Variants in EXOC4 observed in about 807,000 individuals in gnomAD.
The protein encoded by EXOC4 is SEC8-like 1.
In EXOC4, 71 loss-of-function variants were observed where a neutral mutation model predicts 107.2. The observed-to-expected ratio is 0.66, with a 90% confidence interval of 0.55 to 0.81. The LOEUF (loss-of-function observed/expected upper bound fraction) is 0.81. Ranked by LOEUF, EXOC4 falls within the 30% of genes least tolerant of loss-of-function variation. EXOC4 has a pLI of 0.00. For missense variants in EXOC4, 1,108 were observed against 1,189.6 expected, an observed-to-expected ratio of 0.93 and a Z score of 1.01; for synonymous variants, 456 against 441.2, an observed-to-expected ratio of 1.03 and a Z score of -0.42.
chr7:133,597,732 A>G (rs1563121541), intron 9 of EXOC4, among the ~76,000 whole-genome samples: 2 of 151,796 alleles, frequency 1.3e-5, no homozygotes, highest in African/African-American at 2.4e-5. Flanking sequence ...TCTTGCCATT[A>G]AAAGTGATGT....
intron 9 of EXOC4, among the ~76,000 whole-genome samples, chr7:133,583,551 T>C (rs1205533285): frequency 6.6e-6 from 1 of 152,156 alleles, no homozygotes; most frequent in Non-Finnish European, 1.5e-5. Flanking sequence ...GTTAGCCAGA[T>C]GTACTAGATA....
intron 10 of EXOC4, among the ~76,000 whole-genome samples, chr7:133,775,901 A>G (rs536241686): frequency 2.0e-5 from 3 of 152,204 alleles, no homozygotes; most frequent in Non-Finnish European, 4.4e-5. Context: ...TCTAGGAGAT[A>G]TAAGATTAGG....
chr7:133,773,447 T>A (rs976118073), intron 10 of EXOC4, among the ~76,000 whole-genome samples: 1 of 151,588 alleles, frequency 6.6e-6, no homozygotes, highest in Non-Finnish European at 1.5e-5. Context: ...TCTGTTAATC[T>A]GTGTATTTAC....
chr7:133,785,635 G>A (rs1796551945), intron 10 of EXOC4, among the ~76,000 whole-genome samples: 1 of 151,856 alleles, frequency 6.6e-6, no homozygotes, highest in Non-Finnish European at 1.5e-5. Flanking sequence ...TGAGGCCAGA[G>A]GAAGAGATGG....
At chr7:133,857,410 A>G (rs1798439493) in intron 11 of EXOC4, among the ~76,000 whole-genome samples, 1 of 121,646 alleles carries the variant, frequency 8.2e-6, no homozygotes, top group Non-Finnish European at 1.7e-5. Flanking sequence ...TTAGTGTCAC[A>G]GGATCCTTCG....
At chr7:133,787,067 G>A (rs979860415) in intron 10 of EXOC4, among the ~76,000 whole-genome samples, 7 of 151,960 alleles carry the variant, frequency 4.6e-5, no homozygotes, top group Admixed American at 1.3e-4. Context: ...TGCTTTAGGC[G>A]TAAAAGATTC....
At chr7:134,028,501 C>T (rs916040804) in intron 17 of EXOC4, among the ~76,000 whole-genome samples, 3 of 152,168 alleles carry the variant, frequency 2.0e-5, no homozygotes, top group African/African-American at 7.2e-5. Context: ...ATGTGGGAAA[C>T]TGTTCCTGCT....
rs1006791109 is a variant in EXOC4, at chr7:133,866,599, C to T, written c.1735-29000C>T. ...GAGGCATTGCCACTTTCTTCTTCCA[C>T]TAAATCTCAGCTCTAACAAGTACCT... On this transcript the variant is annotated intron_variant, in intron 11 of 17. Transcript: ENST00000253861. Among the ~76,000 whole-genome samples the T allele has an allele frequency of 3.3e-5, 5 of 152,306 alleles. No homozygotes were observed. The East Asian group carries it at 9.6e-4, about 29-fold the overall frequency.
intron 10 of EXOC4, among the ~76,000 whole-genome samples, chr7:133,787,370 TGTGTGTGTGTGTGTGTGTGA>T (rs66477434): frequency 0.51 from 59,540 of 116,264 alleles, 13,120 homozygotes; most frequent in African/African-American, 0.62. Flanking sequence ...TGTGTGTGTG[TGTGTGTGTGTGTGTGTGTGA>T]GATGAGGTCT....
chr7:133,409,761 C>T (rs985042976), intron 7 of EXOC4, among the ~76,000 whole-genome samples: 1 of 151,984 alleles, frequency 6.6e-6, no homozygotes, highest in African/African-American at 2.4e-5. Context: ...TATTGGCCAG[C>T]TTGATAAGTT....
At chr7:133,717,598 G>A (rs562076154) in intron 10 of EXOC4, among the ~76,000 whole-genome samples, 2 of 152,164 alleles carry the variant, frequency 1.3e-5, no homozygotes, top group Non-Finnish European at 2.9e-5. Context: ...TGCCCAGCAC[G>A]GTACTTGGTG....
At chr7:133,993,023 C>T (rs900774778) in intron 14 of EXOC4, among the ~76,000 whole-genome samples, 2 of 151,664 alleles carry the variant, frequency 1.3e-5, no homozygotes, top group Non-Finnish European at 2.9e-5. Flanking sequence ...GATTTTTGTC[C>T]TTTATTCTGT....
intron 10 of EXOC4, among the ~76,000 whole-genome samples, chr7:133,760,276 G>A (rs1041406231): frequency 1.3e-5 from 2 of 152,128 alleles, no homozygotes; most frequent in Non-Finnish European, 2.9e-5. Flanking sequence ...TAGTGTTTAT[G>A]TATAGTGACT....
At chr7:133,302,132 G>A (rs1363515139) in intron 3 of EXOC4, among the ~76,000 whole-genome samples, 2 of 152,210 alleles carry the variant, frequency 1.3e-5, no homozygotes, top group African/African-American at 4.8e-5. Flanking sequence ...GTGTGTTCAA[G>A]CTATTCTTTT....
chr7:133,337,675 C>T (rs1468228677), intron 5 of EXOC4, among the ~76,000 whole-genome samples: 2 of 134,106 alleles, frequency 1.5e-5, no homozygotes, highest in African/African-American at 5.6e-5. Flanking sequence ...GCTCTGTCGC[C>T]CAGGCTGGAG....
At chr7:133,448,032 G>A (rs974925377) in intron 7 of EXOC4, among the ~76,000 whole-genome samples, 2 of 152,172 alleles carry the variant, frequency 1.3e-5, no homozygotes, top group African/African-American at 2.4e-5. Context: ...GCCACTATTA[G>A]TAAAGAAAGA....
Position 133,478,964 on chromosome 7 carries a change from C to A in EXOC4, c.1329-1086C>A, listed in dbSNP as rs1799087822. 3 of 152,246 alleles carry A rather than the reference C, an allele frequency of 2.0e-5. No homozygotes were observed. The Middle Eastern group carries it at 0.01, about 518-fold the overall frequency. 9.4% of individuals were successfully genotyped at this position (152,246 alleles called of 1,614,324 possible). A position where few individuals can be genotyped will look rare whatever the true frequency, so the allele number is the denominator to read the frequency against. On this transcript the variant is annotated intron_variant, in intron 8 of 17. Transcript: ENST00000253861. ...GATCACGTAACCCAAGTGTTTCCCTCACAGACTGACATTCATCTCAGTATT... is the reference window on the plus strand; with the variant it reads ...GATCACGTAACCCAAGTGTTTCCCTAACAGACTGACATTCATCTCAGTATT...
At chr7:134,079,608 T>G in the EXOC4 span, among the ~76,000 whole-genome samples, 1 of 152,168 alleles carries the variant, frequency 6.6e-6, no homozygotes, top group Non-Finnish European at 1.5e-5. Flanking sequence ...AGGAGGTGCC[T>G]GAGTCTGGTC....
At chr7:133,844,378 CTTTTTTTTTTTTTTTTTTT>C (rs761535651) in intron 11 of EXOC4, among the ~76,000 whole-genome samples, 1 of 83,346 alleles carries the variant, frequency 1.2e-5, no homozygotes, top group Non-Finnish European at 2.2e-5. Context: ...CCACATATTC[CTTTTTTTTTTTTTTTTTTT>C]TTTTTTTTTT....
Sources: gnomAD v4.1 joint callset for allele counts (sites outside exome capture counted in the v4.1 genomes callset) on GRCh38, gnomAD v4.1.1 for gene constraint, MANE v1.5 for transcripts, NCBI Gene and HGNC (gene_info 2026-07-23, HGNC 2026-07-21) for gene names.